The following DLG2 variants were observed in gnomAD, a reference collection of about 807,000 sequenced individuals.
The protein encoded by DLG2 is disks large homolog 2.
DLG2 carries 45 observed loss-of-function variants against 132.5 expected under a neutral mutation model. The ratio of observed to expected loss-of-function variants is 0.34; its 90% CI spans 0.27 to 0.44. The LOEUF (loss-of-function observed/expected upper bound fraction) is 0.44. Ranked by LOEUF, DLG2 falls within the 20% of genes least tolerant of loss-of-function variation. The pLI, the probability that DLG2 is intolerant of heterozygous loss-of-function variation, is 1.00. For synonymous variants in DLG2, 424 were observed against 419.6 expected (o/e 1.01, Z -0.13); for missense variants, 1,045 against 1,196.9 (o/e 0.87, Z 1.87).
chr11:84,790,573 G>C (rs1438453535), intron 6 of DLG2, among the ~76,000 whole-genome samples: 4 of 152,130 alleles, frequency 2.6e-5, no homozygotes, highest in African/African-American at 9.7e-5. Context: ...TTGCTGTTGA[G>C]AAGCTTTTTA....
intron 6 of DLG2, among the ~76,000 whole-genome samples, chr11:84,908,418 C>T (rs1324920129): frequency 6.6e-6 from 1 of 152,094 alleles, no homozygotes; most frequent in Non-Finnish European, 1.5e-5. Flanking sequence ...CACATGTGTC[C>T]AGTCGTTACT....
intron 3 of DLG2, among the ~76,000 whole-genome samples, chr11:85,426,985 A>C (rs559644981): frequency 6.6e-6 from 1 of 152,400 alleles, no homozygotes; most frequent in Non-Finnish European, 1.5e-5. Flanking sequence ...TGAATGCACA[A>C]GCCTCAGTAG....
In DLG2 at chr11:83,485,516, C is replaced by G. The variant is rs575601608; in HGVS notation, c.2194-1288G>C. Among the ~76,000 whole-genome samples, 131 of 152,208 alleles carry G rather than the reference C, an allele frequency of 8.6e-4. 1 individual carries two copies. Among genetic ancestry groups the G allele is most frequent in the African/African-American group, 3.0e-3 (123 of 41,554 alleles). ...AAAATTAAAATCACTCCCCAAGGAT[C>G]AAGATTTGTTACCACACGGCTATTG... is the stretch of plus-strand genomic sequence containing the variant. On this transcript the variant is annotated intron_variant, in intron 21 of 27. Transcript: ENST00000376104.
chr11:84,640,911 G>A (rs1398888991), intron 6 of DLG2, among the ~76,000 whole-genome samples: 1 of 148,690 alleles, frequency 6.7e-6, no homozygotes, highest in Non-Finnish European at 1.5e-5. Flanking sequence ...CTGCACTCCA[G>A]CCTGGGTGAC....
At chr11:85,577,614 C>G (rs74745782) in intron 3 of DLG2, among the ~76,000 whole-genome samples, 5,360 of 152,014 alleles carry the variant, frequency 0.035, 114 homozygotes, top group Middle Eastern at 0.068. Flanking sequence ...GGATACAAGT[C>G]AGGGATACAG....
At chr11:84,667,791 A>G (rs1439790645) in intron 6 of DLG2, among the ~76,000 whole-genome samples, 4 of 151,952 alleles carry the variant, frequency 2.6e-5, no homozygotes, top group African/African-American at 9.7e-5. Context: ...AAGCCACCAC[A>G]CCTGGCCAGA....
At chr11:83,518,894 T>C (rs772042424) in intron 21 of DLG2, among the ~76,000 whole-genome samples, 2 of 152,124 alleles carry the variant, frequency 1.3e-5, no homozygotes, top group African/African-American at 4.8e-5. Flanking sequence ...AGATTTAAAA[T>C]AGCAAATTCA....
At chr11:83,917,185 C>A (rs1328546991) in intron 15 of DLG2, among the ~76,000 whole-genome samples, 1 of 152,164 alleles carries the variant, frequency 6.6e-6, no homozygotes, top group East Asian at 1.9e-4. Context: ...GCTTAGCATG[C>A]TAAACAAACT....
chr11:84,463,770 G>C (rs2099086713), intron 7 of DLG2, among the ~76,000 whole-genome samples: 1 of 151,054 alleles, frequency 6.6e-6, no homozygotes, highest in African/African-American at 2.4e-5. Context: ...TGTTGTACCT[G>C]GAAGAAAATC....
chr11:84,681,732 T>A (rs1172005934), intron 6 of DLG2, among the ~76,000 whole-genome samples: 1 of 152,032 alleles, frequency 6.6e-6, no homozygotes, highest in Admixed American at 6.6e-5. Flanking sequence ...TAAGGGCAAT[T>A]AAAGTCACGC....
chr11:84,460,809 C>T (rs945002878), intron 7 of DLG2, among the ~76,000 whole-genome samples: 11 of 150,520 alleles, frequency 7.3e-5, no homozygotes, highest in African/African-American at 2.7e-4. Flanking sequence ...GAGGTTCTTG[C>T]CCTTGTGGAG....
At chr11:84,939,209 A>T (rs898954742) in intron 6 of DLG2, among the ~76,000 whole-genome samples, 1 of 152,036 alleles carries the variant, frequency 6.6e-6, no homozygotes, top group Non-Finnish European at 1.5e-5. Flanking sequence ...CTGACTATAC[A>T]AAAAAATGGC....
At chr11:85,392,504 C>T (rs1596827073) in intron 3 of DLG2, among the ~76,000 whole-genome samples, 1 of 150,082 alleles carries the variant, frequency 6.7e-6, no homozygotes, top group Admixed American at 6.6e-5. Flanking sequence ...CAAAGCAAAA[C>T]AAAGAGGAAC....
At chr11:84,125,102 G>A (rs940176189) in intron 9 of DLG2, among the ~76,000 whole-genome samples, 1 of 151,838 alleles carries the variant, frequency 6.6e-6, no homozygotes, top group South Asian at 2.1e-4. Flanking sequence ...TGCCCGTCTC[G>A]GCCTCCCAAA....
At position 84,347,543 on chromosome 11, in the gene DLG2, CAT is replaced by C. The variant is rs147552698; in HGVS notation, c.520-96254_520-96253del. Among the ~76,000 whole-genome samples, 1,318 of 152,264 alleles carry C rather than the reference CAT, an allele frequency of 8.7e-3. 15 individuals are homozygous for C. Among genetic ancestry groups the C allele is most frequent in the African/African-American group, 0.03 (1,237 of 41,550 alleles). On this transcript the variant is annotated intron_variant, in intron 7 of 27. Transcript: ENST00000376104. Reference sequence around the variant, plus strand: ...AGTCTTTCTCGCAGCAATGTGTGGTCATATGTTTGAATTCTGGCCAATGAACT... The same window carrying C: ...AGTCTTTCTCGCAGCAATGTGTGGTCATGTTTGAATTCTGGCCAATGAACT...
intron 6 of DLG2, among the ~76,000 whole-genome samples, chr11:84,816,105 G>A (rs1236085924): frequency 1.3e-5 from 2 of 151,998 alleles, no homozygotes; most frequent in Non-Finnish European, 2.9e-5. Context: ...GTGGCACCAG[G>A]GGGTTGCTGG....
At chr11:84,447,738 A>G (rs375808250) in intron 7 of DLG2, among the ~76,000 whole-genome samples, 2 of 152,230 alleles carry the variant, frequency 1.3e-5, no homozygotes, top group Non-Finnish European at 2.9e-5. Context: ...TCTTGTAAGA[A>G]CAAAAACTCA....
chr11:85,253,015 AG>A (rs1248066415), intron 4 of DLG2, among the ~76,000 whole-genome samples: 3 of 152,222 alleles, frequency 2.0e-5, no homozygotes, highest in Non-Finnish European at 4.4e-5. Context: ...CCTGAAAAAT[AG>A]TCTACAAATT....
intron 6 of DLG2, among the ~76,000 whole-genome samples, chr11:84,992,965 C>A (rs913342512): frequency 1.3e-5 from 2 of 152,152 alleles, no homozygotes; most frequent in African/African-American, 4.8e-5. Context: ...ACTGTACAGA[C>A]ACCTGCACAC....
Sources: gnomAD v4.1 joint callset for allele counts (sites outside exome capture counted in the v4.1 genomes callset) on GRCh38, gnomAD v4.1.1 for gene constraint, MANE v1.5 for transcripts, NCBI Gene and HGNC (gene_info 2026-07-23, HGNC 2026-07-21) for gene names.